Variants in ADGRB3 observed in about 807,000 individuals in gnomAD.
ADGRB3 encodes the protein brain-specific angiogenesis inhibitor 3.
ADGRB3 carries 37 observed loss-of-function variants against 193.4 expected under a neutral mutation model. The observed-to-expected ratio is 0.19, with a 90% confidence interval of 0.15 to 0.25. The LOEUF (loss-of-function observed/expected upper bound fraction) is 0.25, where lower values mean the gene tolerates loss of function less well. Ranked by LOEUF, ADGRB3 falls within the 10% of genes least tolerant of loss-of-function variation. ADGRB3 has a pLI of 1.00. For missense variants in ADGRB3, 1,637 were observed against 1,852.9 expected (o/e 0.88, Z 2.14); for synonymous variants, 690 against 644.2 (o/e 1.07, Z -1.08).
intron 4 of ADGRB3, among the ~76,000 whole-genome samples, chr6:68,931,255 A>G (rs535103303): frequency 6.6e-6 from 1 of 152,148 alleles, no homozygotes; most frequent in East Asian, 1.9e-4. Context: ...CTGACTTTCT[A>G]CTTTATAAAA....
At chr6:69,031,288 A>C (rs1284615609) in intron 13 of ADGRB3, among the ~76,000 whole-genome samples, 2 of 151,170 alleles carry the variant, frequency 1.3e-5, no homozygotes, top group Non-Finnish European at 2.9e-5. Context: ...AAAATACAAA[A>C]ATTTAACCGG....
chr6:69,314,990 G>C (rs1162143751), intron 20 of ADGRB3, among the ~76,000 whole-genome samples: 1 of 151,506 alleles, frequency 6.6e-6, no homozygotes, highest in African/African-American at 2.4e-5. Flanking sequence ...TTTGGAAATG[G>C]TTTTGGAAAT....
rs1184748107 is a variant in ADGRB3, at chr6:68,731,962, TA to T, written c.757+92531del. Among the ~76,000 whole-genome samples, 2 of 151,738 alleles carry T rather than the reference TA, an allele frequency of 1.3e-5. 1 individual carries two copies. Among genetic ancestry groups the T allele is most frequent in the African/African-American group, 4.8e-5 (2 of 41,410 alleles). ...TAAGGTTTGAGGTTGTTTTTTCTAT[TA>T]TTTTTTAAAAGGGTAAAGAAATGTG... On this transcript the variant is annotated intron_variant, in intron 3 of 31. Transcript: ENST00000370598.
chr6:69,378,939 C>T (rs1414151952), intron 30 of ADGRB3, among the ~76,000 whole-genome samples: 3 of 151,940 alleles, frequency 2.0e-5, no homozygotes, highest in Non-Finnish European at 4.4e-5. Flanking sequence ...TAAAGGATTG[C>T]AATGACTAAT....
chr6:68,976,057 A>C (rs1446118285), intron 10 of ADGRB3, among the ~76,000 whole-genome samples: 1 of 152,198 alleles, frequency 6.6e-6, no homozygotes, highest in Non-Finnish European at 1.5e-5. Flanking sequence ...GTAGAACAAA[A>C]TATGAACATG....
chr6:69,294,207 G>T (rs2127293791), intron 20 of ADGRB3, among the ~76,000 whole-genome samples: 1 of 151,904 alleles, frequency 6.6e-6, no homozygotes, highest in African/African-American at 2.4e-5. Flanking sequence ...AGAATGCAGT[G>T]ATGTTTTCTG....
At chr6:68,948,171 GA>G (rs1401111168) in intron 6 of ADGRB3, among the ~76,000 whole-genome samples, 1 of 152,132 alleles carries the variant, frequency 6.6e-6, no homozygotes, top group African/African-American at 2.4e-5. Context: ...TGAGAAAGAA[GA>G]ATATTTGGTA....
intron 20 of ADGRB3, among the ~76,000 whole-genome samples, chr6:69,306,832 A>G (rs2127298746): frequency 6.6e-6 from 1 of 151,580 alleles, no homozygotes; most frequent in South Asian, 2.1e-4. Flanking sequence ...ATGGGAGAGG[A>G]CAGGGCCCAT....
intron 22 of ADGRB3, among the ~76,000 whole-genome samples, chr6:69,329,987 G>A (rs1441697606): frequency 1.3e-5 from 2 of 152,064 alleles, no homozygotes; most frequent in African/African-American, 4.8e-5. Context: ...AGTAAAATTA[G>A]AAGAAAAATA....
At chr6:69,061,850 A>C (rs938783454) in intron 15 of ADGRB3, among the ~76,000 whole-genome samples, 1 of 57,762 alleles carries the variant, frequency 1.7e-5, no homozygotes, top group Non-Finnish European at 4.7e-5. Context: ...GACTTGAGAA[A>C]ACTGTTTAGG....
At chr6:68,770,923 A>C (rs951632260) in intron 3 of ADGRB3, among the ~76,000 whole-genome samples, 1 of 152,128 alleles carries the variant, frequency 6.6e-6, no homozygotes, top group Non-Finnish European at 1.5e-5. Context: ...TGAGTTCCTT[A>C]TTAGGCACTA....
At chr6:68,846,369 G>T (rs183897820) in intron 3 of ADGRB3, among the ~76,000 whole-genome samples, 1 of 152,344 alleles carries the variant, frequency 6.6e-6, no homozygotes, top group East Asian at 1.9e-4. Context: ...ATAGCAAGGA[G>T]CCTAATCTTA....
intron 13 of ADGRB3, among the ~76,000 whole-genome samples, chr6:69,027,338 CAG>C (rs1177739999): frequency 6.6e-6 from 1 of 152,002 alleles, no homozygotes; most frequent in Non-Finnish European, 1.5e-5. Flanking sequence ...GAAAGGTCCT[CAG>C]GGGAAATAAC....
intron 3 of ADGRB3, among the ~76,000 whole-genome samples, chr6:68,925,942 G>T (rs1420895721): frequency 1.3e-5 from 2 of 151,952 alleles, no homozygotes; most frequent in South Asian, 4.1e-4. Context: ...TTCAAATGAA[G>T]CAGTATTTCA....
At chr6:69,055,028 A>G (rs1377900720) in intron 15 of ADGRB3, among the ~76,000 whole-genome samples, 1 of 152,198 alleles carries the variant, frequency 6.6e-6, no homozygotes, top group Non-Finnish European at 1.5e-5. Context: ...TAACTTTACT[A>G]ACTTCCATTA....
intron 3 of ADGRB3, among the ~76,000 whole-genome samples, chr6:68,854,981 A>G (rs1046235183): frequency 6.6e-6 from 1 of 152,116 alleles, no homozygotes; most frequent in African/African-American, 2.4e-5. Context: ...CTGCTCCTAC[A>G]TGCAGCTTCT....
At chr6:69,179,545 A>G (rs557196509) in intron 17 of ADGRB3, among the ~76,000 whole-genome samples, 1 of 152,338 alleles carries the variant, frequency 6.6e-6, no homozygotes, top group South Asian at 2.1e-4. Flanking sequence ...TGGCATCACT[A>G]CATTCAGATT....
intron 3 of ADGRB3, among the ~76,000 whole-genome samples, chr6:68,821,565 A>G (rs1767748134): frequency 6.6e-6 from 1 of 151,530 alleles, no homozygotes; most frequent in African/African-American, 2.4e-5. Context: ...TAATGGCCTC[A>G]CTTGTTTATT....
intron 16 of ADGRB3, among the ~76,000 whole-genome samples, chr6:69,070,853 T>G (rs1772058349): frequency 6.6e-6 from 1 of 152,220 alleles, no homozygotes. Context: ...CAAGGAAAGT[T>G]TAAAGAAACT....
Sources: allele counts gnomAD v4.1 joint callset (sites outside exome capture counted in the v4.1 genomes callset), GRCh38; gene constraint gnomAD v4.1.1; transcripts MANE v1.5; gene names NCBI Gene and HGNC (gene_info 2026-07-23, HGNC 2026-07-21).